Variants in OCA2 observed in about 807,000 individuals in gnomAD.
OCA2 encodes OCA2 melanosomal transmembrane protein.
A neutral mutation model predicts 100.2 loss-of-function variants in OCA2; 77 were observed. The ratio of observed to expected loss-of-function variants is 0.77; its 90% CI spans 0.64 to 0.93. The LOEUF (loss-of-function observed/expected upper bound fraction) is 0.93, where lower values mean the gene tolerates loss of function less well. Among genes scored for constraint, OCA2 ranks in the 40% least tolerant of loss-of-function variants. The pLI is 0.00. For missense variants in OCA2, 1,062 were observed against 1,089.1 expected (o/e 0.98, Z 0.35); for synonymous variants, 432 against 439.2 (o/e 0.98, Z 0.21).
intron 22 of OCA2, among the ~76,000 whole-genome samples, chr15:27,846,895 G>T (rs2035557718): frequency 6.6e-6 from 1 of 152,206 alleles, no homozygotes; most frequent in African/African-American, 2.4e-5. Context: ...TGGAAAGGGA[G>T]ATGCGGCTGA....
chr15:28,096,029 G>T (rs1438557212), intron 1 of OCA2, among the ~76,000 whole-genome samples: 1 of 152,200 alleles, frequency 6.6e-6, no homozygotes, highest in African/African-American at 2.4e-5. Context: ...TGGGTCCACA[G>T]GGCATGGCTG....
At chr15:27,763,934 C>T (rs968039276) in intron 23 of OCA2, among the ~76,000 whole-genome samples, 4 of 152,268 alleles carry the variant, frequency 2.6e-5, no homozygotes, top group Admixed American at 6.5e-5. Flanking sequence ...CCAAGGCCAA[C>T]ACTGCCCAGT....
chr15:27,881,009 T>G (rs1412965409), intron 19 of OCA2, among the ~76,000 whole-genome samples: 1 of 152,174 alleles, frequency 6.6e-6, no homozygotes, highest in Non-Finnish European at 1.5e-5. Context: ...CATAAATGAT[T>G]CTTATTATTT....
chr15:27,995,904 C>G (rs2041711448), intron 9 of OCA2, among the ~76,000 whole-genome samples: 3 of 151,654 alleles, frequency 2.0e-5, no homozygotes, highest in Admixed American at 1.3e-4. Flanking sequence ...CCTCTGCCTC[C>G]CAGGTTCAAG....
At chr15:27,824,545 G>A (rs2034626389) in intron 23 of OCA2, among the ~76,000 whole-genome samples, 1 of 137,142 alleles carries the variant, frequency 7.3e-6, no homozygotes, top group African/African-American at 2.8e-5. Flanking sequence ...AAATTAAACT[G>A]GCAAAACCTA....
At chr15:28,098,771 G>A (rs1351598230) in intron 1 of OCA2, among the ~76,000 whole-genome samples, 1 of 152,220 alleles carries the variant, frequency 6.6e-6, no homozygotes, top group African/African-American at 2.4e-5. Flanking sequence ...ATTTCACTGT[G>A]TGTGACCACA....
chr15:27,836,152 T>G (rs1030091944), intron 23 of OCA2, among the ~76,000 whole-genome samples: 49 of 152,148 alleles, frequency 3.2e-4, no homozygotes, highest in African/African-American at 1.2e-3. Context: ...TTAGAAGGGT[T>G]CAATATACAA....
At chr15:27,888,453 C>T (rs958641588) in intron 19 of OCA2, among the ~76,000 whole-genome samples, 1 of 152,128 alleles carries the variant, frequency 6.6e-6, no homozygotes, top group Non-Finnish European at 1.5e-5. Context: ...AAAGGACAAA[C>T]ACCTGATGCC....
chr15:28,069,636 G>A (rs1199239668), intron 2 of OCA2, among the ~76,000 whole-genome samples: 56 of 145,816 alleles, frequency 3.8e-4, no homozygotes, highest in African/African-American at 1.3e-3. Flanking sequence ...GCCCCTAACC[G>A]CGAGTGATCT....
At chr15:27,907,226 T>A (rs1006572600) in intron 19 of OCA2, among the ~76,000 whole-genome samples, 1 of 152,114 alleles carries the variant, frequency 6.6e-6, no homozygotes, top group Non-Finnish European at 1.5e-5. Flanking sequence ...GCTAGAAAAT[T>A]ACTAAGAAAA....
At chr15:27,792,032 T>C (rs892211672) in intron 23 of OCA2, among the ~76,000 whole-genome samples, 1 of 152,150 alleles carries the variant, frequency 6.6e-6, no homozygotes, top group East Asian at 1.9e-4. Flanking sequence ...CCACTTCCCA[T>C]TGCCTCACAG....
At chr15:28,003,998 C>G (rs1366847800) in intron 9 of OCA2, among the ~76,000 whole-genome samples, 1 of 152,210 alleles carries the variant, frequency 6.6e-6, no homozygotes, top group Non-Finnish European at 1.5e-5. Context: ...GCTGCGCGCC[C>G]GCGCGGAAAC....
intron 18 of OCA2, among the ~76,000 whole-genome samples, chr15:27,943,340 CCATCCTGACTCTAGTATAA>C (rs140860361): frequency 0.15 from 22,068 of 152,140 alleles, 3,418 homozygotes; most frequent in East Asian, 0.88. Flanking sequence ...ATACCAAATT[CCATCCTGACTCTAGTATAA>C]CATCACATGA....
At chr15:27,889,662 T>G (rs934652815) in intron 19 of OCA2, among the ~76,000 whole-genome samples, 1 of 152,186 alleles carries the variant, frequency 6.6e-6, no homozygotes, top group African/African-American at 2.4e-5. Flanking sequence ...TTGACATAAT[T>G]TGAGGCATTC....
intron 23 of OCA2, among the ~76,000 whole-genome samples, chr15:27,816,621 G>T (rs2034310943): frequency 6.6e-6 from 1 of 152,008 alleles, no homozygotes; most frequent in Admixed American, 6.6e-5. Flanking sequence ...TGTCCACAGG[G>T]CTTTCTCCTG....
At chr15:27,978,518 T>C (rs1008824362) in intron 14 of OCA2, among the ~76,000 whole-genome samples, 2 of 152,222 alleles carry the variant, frequency 1.3e-5, no homozygotes, top group African/African-American at 4.8e-5. Context: ...AATTTACCCC[T>C]TTATTATGAT....
At chr15:28,028,172 A>G in intron 3 of OCA2, 113 bp from the exon 4 acceptor site, 1 of 1,209,964 alleles carries the variant, frequency 8.3e-7, no homozygotes, top group South Asian at 1.3e-5. Flanking sequence ...CTGGTCTTTC[A>G]AAGGACCACA....
At chr15:27,733,485 CCTCATGTT>C in the OCA2 span, among the ~76,000 whole-genome samples, 3 of 152,228 alleles carry the variant, frequency 2.0e-5, no homozygotes, top group Middle Eastern at 3.4e-3. Flanking sequence ...GGCCTCATGG[CCTCATGTT>C]GCCCACCCTT....
At chr15:27,741,059 T>C in the OCA2 span, among the ~76,000 whole-genome samples, 15 of 152,236 alleles carry the variant, frequency 9.9e-5, no homozygotes, top group African/African-American at 3.6e-4. Flanking sequence ...GCAGCAAGGC[T>C]TTCCAGCACA....
Sources: allele counts gnomAD v4.1 joint callset (sites outside exome capture counted in the v4.1 genomes callset), GRCh38; gene constraint gnomAD v4.1.1; transcripts MANE v1.5; gene names NCBI Gene and HGNC (gene_info 2026-07-23, HGNC 2026-07-21).